The following USP15 variants were observed in gnomAD, a reference collection of about 807,000 sequenced individuals.
The protein encoded by USP15 is ubiquitin carboxyl-terminal hydrolase 15.
A neutral mutation model predicts 127.1 loss-of-function variants in USP15; 18 were observed. The observed-to-expected ratio is 0.14, with a 90% CI of 0.10 to 0.21. The LOEUF (loss-of-function observed/expected upper bound fraction) is 0.21. USP15 is among the 10% of genes least tolerant of loss of function. The pLI, the probability that USP15 is intolerant of heterozygous loss-of-function variation, is 1.00. For synonymous variants in USP15, 364 were observed against 393.7 expected (o/e 0.92, Z 0.89); for missense variants, 805 against 1,159.9 (o/e 0.69, Z 4.44).
At chr12:62,304,641 C>A in intron 3 of USP15, 1 of 440,014 alleles carries the variant, frequency 2.3e-6, no homozygotes, top group Non-Finnish European at 4.6e-6. Context: ...TCTTCCTGTA[C>A]CTCAAAGATC....
At position 62,348,801 on chromosome 12, in the gene USP15, G is replaced by A. The variant is rs1051350529; in HGVS notation, c.684-420G>A. 5.3e-5 allele frequency among the ~76,000 whole-genome samples: 8 copies of A among 152,128 alleles called. No homozygotes were observed. In the South Asian group the frequency reaches 8.3e-4, roughly 16 times the overall value. ...CCATTGCCTTAAATTTTTAAAAATT[G>A]GAATGTTCTCTGATCTCTGTGTCAG... On this transcript the variant is annotated intron_variant, in intron 6 of 21. Coordinates refer to ENST00000280377, the MANE Select transcript of USP15 (RefSeq NM_001252078.2).
chr12:62,401,383 C>T (rs2067682306), intron 21 of USP15, 108 bp downstream of exon 21: 1 of 742,004 alleles, frequency 1.3e-6, no homozygotes, highest in Non-Finnish European at 2.1e-6. Context: ...ATTCTAGCAG[C>T]TTGAGTAGCT....
intron 8 of USP15, among the ~76,000 whole-genome samples, chr12:62,370,932 T>C (rs2066644678): frequency 6.6e-6 from 1 of 152,184 alleles, no homozygotes; most frequent in Admixed American, 6.5e-5. Context: ...CGAAGACTTA[T>C]CCCAAGTCCT....
intron 21 of USP15, among the ~76,000 whole-genome samples, chr12:62,401,839 G>T (rs746030361): frequency 6.7e-6 from 1 of 149,210 alleles, no homozygotes; most frequent in African/African-American, 2.5e-5. Flanking sequence ...ATCATCCACC[G>T]CTGACTCTCA....
intron 8 of USP15, among the ~76,000 whole-genome samples, chr12:62,372,285 A>G (rs977375076): frequency 1.3e-5 from 2 of 152,114 alleles, no homozygotes; most frequent in African/African-American, 2.4e-5. Context: ...CGGTCCTGCA[A>G]ATGCAGTCGA....
intron 6 of USP15, among the ~76,000 whole-genome samples, chr12:62,343,789 T>C (rs1473681795): frequency 6.6e-6 from 1 of 152,144 alleles, no homozygotes; most frequent in Non-Finnish European, 1.5e-5. Flanking sequence ...ATCACCTACC[T>C]TCTCCATTGA....
intron 8 of USP15, among the ~76,000 whole-genome samples, chr12:62,360,026 A>G (rs943154668): frequency 6.6e-6 from 1 of 152,152 alleles, no homozygotes; most frequent in African/African-American, 2.4e-5. Context: ...AGTTCAGTAG[A>G]TTCAAGAGCA....
chr12:62,307,046 G>C (rs2064506132), intron 3 of USP15, among the ~76,000 whole-genome samples: 1 of 152,132 alleles, frequency 6.6e-6, no homozygotes, highest in South Asian at 2.1e-4. Flanking sequence ...TAAAGCCAAA[G>C]TAGAGAGGAC....
chr12:62,318,421 A>G (rs2064894295), intron 4 of USP15, among the ~76,000 whole-genome samples: 2 of 152,162 alleles, frequency 1.3e-5, no homozygotes, highest in African/African-American at 4.8e-5. Flanking sequence ...AACACAGATA[A>G]ACTACTTTTC....
Position 62,413,908 on chromosome 12 carries a change from TTTGA to T in USP15, c.*9538_*9541del, listed in dbSNP as rs1400624069. ...CACTAAGCTCCAATCATTTATAGCA[TTTGA>T]TTGAGAGAGAGAGAGAGATGTACAG... On this transcript the variant is annotated 3_prime_UTR_variant, in exon 22 of 22. Coordinates refer to ENST00000280377, the MANE Select transcript of USP15 (RefSeq NM_001252078.2). 1 of 152,184 alleles carries T rather than the reference TTTGA, an allele frequency of 6.6e-6. No homozygotes were observed. The highest frequency in any genetic ancestry group is 2.4e-5 in the African/African-American group (1 of 41,442). 9.4% of individuals were successfully genotyped at this position (152,184 alleles called of 1,614,324 possible). A position where few individuals can be genotyped will look rare whatever the true frequency, so the allele number is the denominator to read the frequency against.
At chr12:62,334,797 A>ATTTT (rs946989812) in intron 6 of USP15, among the ~76,000 whole-genome samples, 1 of 152,142 alleles carries the variant, frequency 6.6e-6, no homozygotes, top group African/African-American at 2.4e-5. Context: ...ACTTCTCTGT[A>ATTTT]TTTTGGTTGC....
At chr12:62,395,646 T>C (rs1043768442) in intron 19 of USP15, among the ~76,000 whole-genome samples, 1 of 151,898 alleles carries the variant, frequency 6.6e-6, no homozygotes, top group Non-Finnish European at 1.5e-5. Context: ...CTCCCCTACC[T>C]TCCCACCACA....
chr12:62,384,318 G>GT lies in USP15; in HGVS notation c.1473+19dup, dbSNP rs773150594. 9 of 1,296,372 alleles carry GT rather than the reference G, an allele frequency of 6.9e-6. No individual in the cohort carries two copies. The highest frequency in any genetic ancestry group is 3.2e-5 in the South Asian group (2 of 62,326). 80.3% of individuals were successfully genotyped at this position (1,296,372 alleles called of 1,614,324 possible). ...ACCTATGCAGGTAAATCATGGGTTG[G>GT]TTTGTTTTGTTTTTTTTTTTTTTTT... On this transcript the variant is annotated intron_variant, in intron 11 of 21. Coordinates refer to ENST00000280377, the MANE Select transcript of USP15 (RefSeq NM_001252078.2).
At chr12:62,368,237 T>C (rs528791052) in intron 8 of USP15, among the ~76,000 whole-genome samples, 2 of 152,300 alleles carry the variant, frequency 1.3e-5, no homozygotes, top group South Asian at 4.1e-4. Flanking sequence ...TATTATTTGG[T>C]CAATTTTAGA....
At chr12:62,326,552 ACTT>A (rs10572411) in intron 6 of USP15, among the ~76,000 whole-genome samples, 130,959 of 151,940 alleles carry the variant, frequency 0.86, 56,782 homozygotes, top group African/African-American at 0.95. Context: ...GCAAAAGGAC[ACTT>A]CTTTATAATC....
chr12:62,367,677 C>T (rs138370870), intron 8 of USP15, among the ~76,000 whole-genome samples: 263 of 152,002 alleles, frequency 1.7e-3, no homozygotes, highest in African/African-American at 6.1e-3. Context: ...TTTTTTATTG[C>T]GTCTTTTTGA....
chr12:62,389,386 T>G, intron 11 of USP15, 45 bp from the exon 12 acceptor site: 1 of 1,535,902 alleles, frequency 6.5e-7, no homozygotes, highest in Non-Finnish European at 8.8e-7. Context: ...TACTGAATTT[T>G]TTTTCCAAAA....
intron 4 of USP15, 39 bp downstream of exon 4, chr12:62,314,955 T>C: frequency 6.8e-7 from 1 of 1,479,948 alleles, no homozygotes; most frequent in Non-Finnish European, 9.0e-7. Flanking sequence ...TCCATTGCTA[T>C]TAGATATTTA....
chr12:62,393,529 C>T (rs1029126668), intron 19 of USP15: 6 of 179,270 alleles, frequency 3.3e-5, no homozygotes, highest in Admixed American at 1.2e-4. Context: ...TTTGTTTATC[C>T]TAGGAATTAC....
Sources: allele counts gnomAD v4.1 joint callset (sites outside exome capture counted in the v4.1 genomes callset), GRCh38; gene constraint gnomAD v4.1.1; transcripts MANE v1.5; gene names NCBI Gene and HGNC (gene_info 2026-07-23, HGNC 2026-07-21).